The following CCDC149 variants were observed in gnomAD, a reference collection of about 807,000 sequenced individuals.
CCDC149 encodes the protein coiled-coil domain-containing protein 149.
A neutral mutation model predicts 59.9 loss-of-function variants in CCDC149; 45 were observed. That is an observed-to-expected ratio of 0.75 (90% CI 0.59 to 0.96). The LOEUF is 0.96. Ranked by LOEUF, CCDC149 falls within the 40% of genes least tolerant of loss-of-function variation. The probability of loss-of-function intolerance (pLI) is 0.00; values close to 1 mark genes in which losing one functional copy is unlikely to be tolerated. For synonymous variants in CCDC149, 245 were observed against 260.6 expected (o/e 0.94, Z 0.58); for missense variants, 584 against 664.7 (o/e 0.88, Z 1.33).
intron 3 of CCDC149, among the ~76,000 whole-genome samples, chr4:24,865,255 A>G (rs550865742): frequency 6.6e-6 from 1 of 152,288 alleles, no homozygotes; most frequent in South Asian, 2.1e-4. Context: ...AAAGTTTGAT[A>G]CTCTGAGACC....
intron 1 of CCDC149, among the ~76,000 whole-genome samples, chr4:24,955,964 A>G (rs1577505094): frequency 6.6e-6 from 1 of 152,216 alleles, no homozygotes; most frequent in Admixed American, 6.5e-5. Context: ...CACCCTTCCT[A>G]CAACCCCAAA....
intron 1 of CCDC149, among the ~76,000 whole-genome samples, chr4:24,884,374 C>CTAG (rs1720034178): frequency 6.6e-6 from 1 of 152,156 alleles, no homozygotes; most frequent in Non-Finnish European, 1.5e-5. Context: ...ATGCAGCGGA[C>CTAG]TATACCATGT....
chr4:24,904,973 C>T (rs1721385630), intron 1 of CCDC149, among the ~76,000 whole-genome samples: 2 of 152,306 alleles, frequency 1.3e-5, no homozygotes, highest in Middle Eastern at 3.4e-3. Flanking sequence ...GCCATCTCAG[C>T]TCACTGCAAC....
intron 4 of CCDC149, among the ~76,000 whole-genome samples, chr4:24,843,425 C>A (rs1015671783): frequency 1.3e-5 from 2 of 152,152 alleles, no homozygotes; most frequent in Admixed American, 6.5e-5. Flanking sequence ...CCTATTATTT[C>A]TTTACTTTTC....
chr4:24,858,560 A>T lies in CCDC149; in HGVS notation c.265-5381T>A, dbSNP rs151245713. Among the ~76,000 whole-genome samples the T allele has an allele frequency of 5.5e-4, 83 of 152,274 alleles. 1 individual carries two copies. In the East Asian group the frequency reaches 0.015, roughly 27 times the overall value. On this transcript the variant is annotated intron_variant, in intron 3 of 12. Transcript: ENST00000635206. Reference sequence around the variant, plus strand: ...TTATTAAAATTGTGATGGGAAAGGGAGGGAAGAGAGATTTGATGAAAACAT... The same window carrying T: ...TTATTAAAATTGTGATGGGAAAGGGTGGGAAGAGAGATTTGATGAAAACAT...
intron 7 of CCDC149, among the ~76,000 whole-genome samples, chr4:24,835,278 A>G (rs1472866299): frequency 6.6e-6 from 1 of 152,254 alleles, no homozygotes; most frequent in African/African-American, 2.4e-5. Context: ...TCCCCTGTAT[A>G]CAAAAAGCAC....
At chr4:24,956,424 C>T (rs1339976086) in intron 1 of CCDC149, among the ~76,000 whole-genome samples, 1 of 152,092 alleles carries the variant, frequency 6.6e-6, no homozygotes, top group Non-Finnish European at 1.5e-5. Context: ...TACTATATTG[C>T]CATTCCTGCG....
At chr4:24,874,244 G>GTTTTTTTTTTTTTGTTTTTTTTTTTTTTT (rs1719242320) in intron 2 of CCDC149, among the ~76,000 whole-genome samples, 2 of 87,488 alleles carry the variant, frequency 2.3e-5, no homozygotes, top group African/African-American at 1.2e-4. Flanking sequence ...TATTAGATTT[G>GTTTTTTTTTTTTTGTTTTTTTTTTTTTTT]TTTTTTTTTT....
intron 4 of CCDC149, among the ~76,000 whole-genome samples, chr4:24,842,518 G>C (rs551515651): frequency 6.6e-6 from 1 of 152,170 alleles, no homozygotes; most frequent in Non-Finnish European, 1.5e-5. Context: ...CCACAAAGTG[G>C]ATCAGTGCCT....
chr4:24,845,782 TGA>T (rs1717251669), intron 4 of CCDC149, among the ~76,000 whole-genome samples: 1 of 152,148 alleles, frequency 6.6e-6, no homozygotes, highest in Non-Finnish European at 1.5e-5. Flanking sequence ...ATTGTACAGA[TGA>T]GAACAACTAA....
At chr4:24,912,381 G>A (rs1173115199) in intron 1 of CCDC149, among the ~76,000 whole-genome samples, 2 of 152,170 alleles carry the variant, frequency 1.3e-5, no homozygotes, top group African/African-American at 2.4e-5. Flanking sequence ...CACCGCCGCA[G>A]GTAATTCCAC....
chr4:24,906,405 A>ATTTTATTTTATTTT, intron 1 of CCDC149, among the ~76,000 whole-genome samples: 1 of 142,258 alleles, frequency 7.0e-6, no homozygotes, highest in African/African-American at 2.7e-5. Context: ...ATTTTATTTT[A>ATTTTATTTTATTTT]TTTTACTTTA....
chr4:24,979,610 T>G (rs1164363607), intron 1 of CCDC149, among the ~76,000 whole-genome samples: 2 of 152,218 alleles, frequency 1.3e-5, no homozygotes, highest in Non-Finnish European at 2.9e-5. Context: ...CCTAACCTGG[T>G]TCCTACAATT....
At chr4:24,828,038 T>G (rs1715874532) in intron 9 of CCDC149, 2 of 152,270 alleles carry the variant, frequency 1.3e-5, no homozygotes, top group African/African-American at 4.8e-5. Flanking sequence ...CAAAGTCACA[T>G]TCTATTCTCA....
At chr4:24,846,039 A>T (rs1298434450) in intron 4 of CCDC149, among the ~76,000 whole-genome samples, 1 of 152,234 alleles carries the variant, frequency 6.6e-6, no homozygotes, top group East Asian at 1.9e-4. Flanking sequence ...AATTATGTCC[A>T]CAGTCTATGG....
At chr4:24,939,087 G>A (rs1367651155) in intron 1 of CCDC149, among the ~76,000 whole-genome samples, 1 of 152,230 alleles carries the variant, frequency 6.6e-6, no homozygotes, top group Non-Finnish European at 1.5e-5. Flanking sequence ...AGAACGGGCA[G>A]ACTGCCTCCT....
intron 1 of CCDC149, among the ~76,000 whole-genome samples, chr4:24,918,307 C>T (rs1045758270): frequency 6.6e-6 from 1 of 152,084 alleles, no homozygotes; most frequent in Admixed American, 6.6e-5. Flanking sequence ...ACAATTTGAT[C>T]GAGAAGGTGA....
At chr4:24,954,781 A>G (rs1269743088) in intron 1 of CCDC149, among the ~76,000 whole-genome samples, 3 of 152,210 alleles carry the variant, frequency 2.0e-5, no homozygotes, top group African/African-American at 7.2e-5. Context: ...AAATGCCTTC[A>G]GTGTCATTCT....
At chr4:24,918,849 A>G (rs1415657931) in intron 1 of CCDC149, among the ~76,000 whole-genome samples, 1 of 152,184 alleles carries the variant, frequency 6.6e-6, no homozygotes, top group African/African-American at 2.4e-5. Flanking sequence ...GATCGCTTTT[A>G]TTATATCAGT....
Sources: allele counts gnomAD v4.1 joint callset (sites outside exome capture counted in the v4.1 genomes callset), GRCh38; gene constraint gnomAD v4.1.1; transcripts MANE v1.5; gene names NCBI Gene and HGNC (gene_info 2026-07-23, HGNC 2026-07-21).